Variants in TCERG1L observed in about 807,000 individuals in gnomAD.
TCERG1L encodes transcription elongation regulator 1-like protein.
TCERG1L carries 37 observed loss-of-function variants against 56.3 expected under a neutral mutation model. The observed-to-expected ratio is 0.66, with a 90% confidence interval of 0.51 to 0.87. The LOEUF is 0.87. Ranked by LOEUF, TCERG1L falls within the 40% of genes least tolerant of loss-of-function variation. The pLI, the probability that TCERG1L is intolerant of heterozygous loss-of-function variation, is 0.00. For missense variants in TCERG1L, 799 were observed against 774.2 expected, an observed-to-expected ratio of 1.03 and a Z score of -0.38; for synonymous variants, 324 against 326.3, an observed-to-expected ratio of 0.99 and a Z score of 0.08.
rs75582870 is a variant in TCERG1L, at chr10:131,225,813, G to C, written c.856+34446C>G. On this transcript the variant is annotated intron_variant, in intron 4 of 11. Coordinates refer to ENST00000368642, the MANE Select transcript of TCERG1L (RefSeq NM_174937.4). ...ATAAACGCAAGTGTGATTGGCCTCA[G>C]AAATGCAGTTTCAAAATTATTCAAA... Among the ~76,000 whole-genome samples the C allele has an allele frequency of 6.7e-3, 1,014 of 152,224 alleles. 20 individuals are homozygous for C. In the East Asian group the frequency reaches 0.076, roughly 11 times the overall value.
Position 131,092,609 on chromosome 10 carries a change from C to G in TCERG1L, c.*553G>C, listed in dbSNP as rs1005862743. 1.4e-4 allele frequency: 21 copies of G among 152,514 alleles called. No homozygotes were observed. The highest frequency in any genetic ancestry group is 5.1e-4 in the African/African-American group (21 of 41,444). The allele number at this position is 152,514 out of a possible 1,614,324, so 9.4% of individuals were successfully genotyped here. A position where few individuals can be genotyped will look rare whatever the true frequency, so the allele number is the denominator to read the frequency against. On this transcript the variant is annotated 3_prime_UTR_variant, in exon 12 of 12. Transcript: ENST00000368642. ...CCCTCTGGGAGGAACGCGCGGCCAC[C>G]CTTGGAAACCTGTAAGTGATCCACG...
chr10:131,156,830 G>A (rs1589731063), intron 6 of TCERG1L, among the ~76,000 whole-genome samples: 1 of 152,196 alleles, frequency 6.6e-6, no homozygotes, highest in East Asian at 1.9e-4. Context: ...CCCTTAAAAG[G>A]GACAGGAATT....
rs1237497268 is a variant in TCERG1L, at chr10:131,206,010, T to C, written c.857-39125A>G. 2.0e-5 allele frequency among the ~76,000 whole-genome samples: 3 copies of C among 151,928 alleles called. No individual in the cohort carries two copies. The South Asian group carries it at 6.2e-4, about 31-fold the overall frequency. On this transcript the variant is annotated intron_variant, in intron 4 of 11. Coordinates refer to ENST00000368642, the MANE Select transcript of TCERG1L (RefSeq NM_174937.4). ...ATGGTTTGCCATATGACCACAGAGG[T>C]CTTACTATAGCTCTGTAGCTCCTTT...
At chr10:131,217,708 CTTTTTTTTTTTTTT>C (rs534101797) in intron 4 of TCERG1L, among the ~76,000 whole-genome samples, 19 of 79,046 alleles carry the variant, frequency 2.4e-4, no homozygotes, top group South Asian at 5.9e-4. Context: ...AGTAGCTGCC[CTTTTTTTTTTTTTT>C]TTTTTTTTTT....
At chr10:131,310,981 G>A (rs978304906) in intron 1 of TCERG1L, among the ~76,000 whole-genome samples, 4 of 152,186 alleles carry the variant, frequency 2.6e-5, no homozygotes, top group Non-Finnish European at 5.9e-5. Context: ...TCAGCACCTC[G>A]CGATGGACAG....
intron 8 of TCERG1L, among the ~76,000 whole-genome samples, chr10:131,133,456 C>A (rs991165209): frequency 6.6e-6 from 1 of 152,130 alleles, no homozygotes; most frequent in Non-Finnish European, 1.5e-5. Context: ...GCAGGATGAA[C>A]GCACCTGTGG....
At chr10:131,154,389 G>A (rs1205428552) in intron 6 of TCERG1L, among the ~76,000 whole-genome samples, 1 of 152,132 alleles carries the variant, frequency 6.6e-6, no homozygotes, top group African/African-American at 2.4e-5. Flanking sequence ...ACTACACAAA[G>A]GCTCTCCCTG....
chr10:131,256,226 C>A (rs1846163354), intron 4 of TCERG1L, among the ~76,000 whole-genome samples: 1 of 152,138 alleles, frequency 6.6e-6, no homozygotes, highest in Admixed American at 6.6e-5. Context: ...TGTTATAGAA[C>A]CTGCTTCAGC....
chr10:131,181,919 T>C lies in TCERG1L; in HGVS notation c.857-15034A>G, dbSNP rs1271930944. Among the ~76,000 whole-genome samples the C allele has an allele frequency of 2.6e-5, 4 of 152,242 alleles. 1 individual carries two copies. Among genetic ancestry groups the C allele is most frequent in the African/African-American group, 9.6e-5 (4 of 41,458 alleles). ...CCATTCATCCCTCCCAAGGCAGCAT[T>C]GCTCGTGTTAAGATGCAGCTTCAAA... On this transcript the variant is annotated intron_variant, in intron 4 of 11. Coordinates refer to ENST00000368642, the MANE Select transcript of TCERG1L (RefSeq NM_174937.4).
intron 8 of TCERG1L, among the ~76,000 whole-genome samples, chr10:131,122,981 G>T (rs12415526): frequency 5.3e-5 from 8 of 152,062 alleles, no homozygotes; most frequent in Non-Finnish European, 8.8e-5. Context: ...CATTTCCAAG[G>T]GGTCCTCCCA....
At chr10:131,208,178 G>A (rs1035511164) in intron 4 of TCERG1L, among the ~76,000 whole-genome samples, 10 of 152,202 alleles carry the variant, frequency 6.6e-5, no homozygotes, top group African/African-American at 2.4e-4. Context: ...ATCTCTTGAT[G>A]CCTGAGCCAA....
chr10:131,232,669 G>A lies in TCERG1L; in HGVS notation c.856+27590C>T, dbSNP rs116916405. ...TGAAGTTTTCACGTTCCAACAGTGC[G>A]GACAGCTCAAGTAGTATTTGGGATT... On this transcript the variant is annotated intron_variant, in intron 4 of 11. Transcript: ENST00000368642. 8.5e-3 allele frequency among the ~76,000 whole-genome samples: 1,299 copies of A among 152,306 alleles called. 5 individuals carry two copies. Among genetic ancestry groups the A allele is most frequent in the Non-Finnish European group, 0.011 (735 of 68,028 alleles).
chr10:131,173,175 G>A (rs1201131555), intron 4 of TCERG1L, among the ~76,000 whole-genome samples: 1 of 152,120 alleles, frequency 6.6e-6, no homozygotes, highest in Non-Finnish European at 1.5e-5. Flanking sequence ...ACAGGTGTGA[G>A]CCACCCCACC....
At chr10:131,144,824 G>A (rs1166695872) in intron 7 of TCERG1L, among the ~76,000 whole-genome samples, 1 of 152,092 alleles carries the variant, frequency 6.6e-6, no homozygotes, top group Admixed American at 6.5e-5. Context: ...TGAGATTCTT[G>A]TTAAAAGAAG....
chr10:131,126,683 A>G (rs1106524), intron 8 of TCERG1L, among the ~76,000 whole-genome samples: 101,780 of 152,126 alleles, frequency 0.67, 34,569 homozygotes, highest in East Asian at 0.88. Context: ...TCCCCAGGAC[A>G]TGTTTCTGCA....
At chr10:131,286,993 A>G (rs763984621) in intron 3 of TCERG1L, among the ~76,000 whole-genome samples, 1 of 152,254 alleles carries the variant, frequency 6.6e-6, no homozygotes, top group Non-Finnish European at 1.5e-5. Flanking sequence ...TATCTCACCC[A>G]TAACTTTTAC....
At chr10:131,107,956 T>TACACACACACACACAC (rs59364659) in intron 9 of TCERG1L, among the ~76,000 whole-genome samples, 49 of 146,858 alleles carry the variant, frequency 3.3e-4, no homozygotes, top group South Asian at 1.8e-3. Flanking sequence ...CATGTGTGCC[T>TACACACACACACACAC]ACACACACAC....
intron 4 of TCERG1L, among the ~76,000 whole-genome samples, chr10:131,175,758 AG>A (rs906242251): frequency 1.3e-5 from 2 of 152,208 alleles, no homozygotes; most frequent in Non-Finnish European, 2.9e-5. Context: ...TGAGCCAAGT[AG>A]GACTTTACCC....
At chr10:131,192,429 C>T (rs1372727048) in intron 4 of TCERG1L, among the ~76,000 whole-genome samples, 1 of 144,176 alleles carries the variant, frequency 6.9e-6, no homozygotes, top group South Asian at 2.2e-4. Context: ...GAAATTGGAA[C>T]AACCCTGATG....
Sources: allele counts gnomAD v4.1 joint callset (sites outside exome capture counted in the v4.1 genomes callset), GRCh38; gene constraint gnomAD v4.1.1; transcripts MANE v1.5; gene names NCBI Gene and HGNC (gene_info 2026-07-23, HGNC 2026-07-21).